Variants in CLASP1 observed in about 807,000 individuals in gnomAD.
CLASP1 encodes the protein cytoplasmic linker associated protein 1.
CLASP1 carries 38 observed loss-of-function variants against 192.3 expected under a neutral mutation model. The ratio of observed to expected loss-of-function variants is 0.20; its 90% confidence interval spans 0.15 to 0.26. The LOEUF (loss-of-function observed/expected upper bound fraction) is 0.26, where lower values mean the gene tolerates loss of function less well. CLASP1 is among the 10% of genes least tolerant of loss of function. The pLI, the probability that CLASP1 is intolerant of heterozygous loss-of-function variation, is 1.00. For synonymous variants in CLASP1, 691 were observed against 712.8 expected (o/e 0.97, Z 0.49); for missense variants, 1,433 against 1,932.5 (o/e 0.74, Z 4.85).
At chr2:121,404,333 C>A in intron 26 of CLASP1, 38 bp downstream of exon 27, 1 of 1,603,718 alleles carries the variant, frequency 6.2e-7, no homozygotes, top group Non-Finnish European at 8.5e-7. Context: ...CACAGACATG[C>A]AGGGGTAAAG....
chr2:121,363,109 C>T, intron 37 of CLASP1, 63 bp downstream of exon 38: 2 of 1,598,746 alleles, frequency 1.3e-6, no homozygotes, highest in African/African-American at 2.7e-5. Context: ...TCCTCTATCT[C>T]CATGTCCAAA....
At chr2:121,483,560 A>ATATG (rs1427599601) in intron 8 of CLASP1, among the ~76,000 whole-genome samples, 1 of 151,590 alleles carries the variant, frequency 6.6e-6, no homozygotes, top group Non-Finnish European at 1.5e-5. Flanking sequence ...GTGTGTATAT[A>ATATG]TATGTATGTA....
chr2:121,423,652 T>C (rs1303423579), intron 22 of CLASP1, among the ~76,000 whole-genome samples: 1 of 152,160 alleles, frequency 6.6e-6, no homozygotes, highest in Non-Finnish European at 1.5e-5. Context: ...AACACAAATA[T>C]GTTACAGCAT....
chr2:121,498,197 G>GTTTTTTTTTTT (rs2093609608), intron 8 of CLASP1, among the ~76,000 whole-genome samples: 1 of 114,564 alleles, frequency 8.7e-6, no homozygotes, highest in African/African-American at 4.9e-5. Context: ...ATAGGTAATA[G>GTTTTTTTTTTT]TTTCTTTTTT....
At chr2:121,614,221 C>A (rs914276985) in intron 1 of CLASP1, among the ~76,000 whole-genome samples, 1 of 152,208 alleles carries the variant, frequency 6.6e-6, no homozygotes, top group South Asian at 2.1e-4. Flanking sequence ...GGAAGCCGGG[C>A]GCGGTGGCTC....
chr2:121,574,456 G>A (rs931216456), intron 2 of CLASP1, among the ~76,000 whole-genome samples: 2 of 152,016 alleles, frequency 1.3e-5, no homozygotes, highest in Admixed American at 1.3e-4. Flanking sequence ...CCAACGTGGT[G>A]AAACCCTGTC....
intron 2 of CLASP1, among the ~76,000 whole-genome samples, chr2:121,604,174 T>A (rs2105899557): frequency 6.6e-6 from 1 of 152,336 alleles, no homozygotes; most frequent in East Asian, 1.9e-4. Context: ...AGGTATCCCA[T>A]GAGTATGTAA....
chr2:121,551,156 TA>T (rs2058004571), intron 2 of CLASP1, among the ~76,000 whole-genome samples: 1 of 152,100 alleles, frequency 6.6e-6, no homozygotes. Flanking sequence ...GGGCTTTCAA[TA>T]AAGTTAAACA....
intron 2 of CLASP1, among the ~76,000 whole-genome samples, chr2:121,546,499 C>G (rs2057431816): frequency 6.6e-6 from 1 of 151,882 alleles, no homozygotes; most frequent in Admixed American, 6.6e-5. Context: ...GGACGGTGGC[C>G]CACTTGGGAG....
At chr2:121,600,291 C>A (rs1416183757) in intron 2 of CLASP1, among the ~76,000 whole-genome samples, 1 of 152,124 alleles carries the variant, frequency 6.6e-6, no homozygotes, top group African/African-American at 2.4e-5. Flanking sequence ...AAGACATAGC[C>A]CTTGAGTGCA....
intron 25 of CLASP1, among the ~76,000 whole-genome samples, chr2:121,406,779 T>C (rs981865299): frequency 6.6e-6 from 1 of 152,062 alleles, no homozygotes; most frequent in Non-Finnish European, 1.5e-5. Flanking sequence ...TTTGTAGAGA[T>C]GGGGTCTCCC....
At chr2:121,550,799 C>T (rs987916409) in intron 2 of CLASP1, among the ~76,000 whole-genome samples, 1 of 152,080 alleles carries the variant, frequency 6.6e-6, no homozygotes, top group Non-Finnish European at 1.5e-5. Context: ...GTACAAAGAA[C>T]AGCTGATACC....
In CLASP1 at chr2:121,397,381, G is replaced by A. The variant is rs1574304406; in HGVS notation, c.2980-98C>T. On this transcript the variant is annotated intron_variant, in intron 29 of 39. Coordinates refer to ENST00000263710, the Ensembl canonical transcript of CLASP1. Reference sequence around the variant, plus strand: ...AGAGAAAAGTAAACCCTGGTGAGGGGGATCTCCTTCCTTTCTCCTGTATCG... The same window carrying A: ...AGAGAAAAGTAAACCCTGGTGAGGGAGATCTCCTTCCTTTCTCCTGTATCG... The A allele has an allele frequency of 4.0e-6, 4 of 1,004,496 alleles. No individual in the cohort carries two copies. In the East Asian group the frequency reaches 7.7e-5, roughly 19 times the overall value. The allele number at this position is 1,004,496 out of a possible 1,614,324, so 62.2% of individuals were successfully genotyped here. A position where few individuals can be genotyped will look rare whatever the true frequency, so the allele number is the denominator to read the frequency against.
chr2:121,371,365 G>A (rs897864085), intron 34 of CLASP1, among the ~76,000 whole-genome samples: 2 of 151,790 alleles, frequency 1.3e-5, no homozygotes, highest in Non-Finnish European at 2.9e-5. Context: ...CGAGTAGCTG[G>A]GACTACAGGG....
At chr2:121,623,938 T>C (rs2067833471) in intron 1 of CLASP1, among the ~76,000 whole-genome samples, 1 of 152,212 alleles carries the variant, frequency 6.6e-6, no homozygotes, top group Non-Finnish European at 1.5e-5. Flanking sequence ...GTTATCTAAC[T>C]TGTTGGCATA....
Position 121,457,771 on chromosome 2 carries a change from CAAA to C in CLASP1, c.1315-17_1315-15del, listed in dbSNP as rs2087001233. On this transcript the variant is annotated splice_polypyrimidine_tract_variant and intron_variant, in intron 13 of 39. Coordinates refer to ENST00000263710, the Ensembl canonical transcript of CLASP1. ...GATGTGTGTGTGCTGTGAAGAACAA[CAAA>C]AAACAGAGGTCAACACTTGCAAATA... is the stretch of plus-strand genomic sequence containing the variant. 2 of 1,597,762 alleles carry C rather than the reference CAAA, an allele frequency of 1.3e-6. No homozygotes were observed. Among genetic ancestry groups the C allele is most frequent in the Non-Finnish European group, 1.7e-6 (2 of 1,170,708 alleles).
chr2:121,582,343 G>A (rs988131312), intron 2 of CLASP1, among the ~76,000 whole-genome samples: 1 of 148,204 alleles, frequency 6.7e-6, no homozygotes, highest in Non-Finnish European at 1.5e-5. Flanking sequence ...GAGAGAAAGA[G>A]GAGGAGAGAG....
chr2:121,556,580 G>T (rs912050055), intron 2 of CLASP1, among the ~76,000 whole-genome samples: 1 of 152,118 alleles, frequency 6.6e-6, no homozygotes, highest in Non-Finnish European at 1.5e-5. Flanking sequence ...TCTCCTTCAA[G>T]TCTTTGTTCA....
At chr2:121,582,729 C>T (rs1310579688) in intron 2 of CLASP1, among the ~76,000 whole-genome samples, 1 of 151,898 alleles carries the variant, frequency 6.6e-6, no homozygotes, top group Non-Finnish European at 1.5e-5. Context: ...AATGCTAGTC[C>T]ACCTAAAATC....
Sources: gnomAD v4.1 joint callset for allele counts (sites outside exome capture counted in the v4.1 genomes callset) on GRCh38, gnomAD v4.1.1 for gene constraint, MANE v1.5 for transcripts, NCBI Gene and HGNC (gene_info 2026-07-23, HGNC 2026-07-21) for gene names.